The following DTNA variants were observed in gnomAD, a reference collection of about 807,000 sequenced individuals.
DTNA encodes dystrophin-related protein 3.
Under a neutral mutation model 100.7 loss-of-function variants are expected in DTNA, and 43 were observed. The ratio of observed to expected loss-of-function variants is 0.43; its 90% CI spans 0.33 to 0.55. The LOEUF (loss-of-function observed/expected upper bound fraction) is 0.55, where lower values mean the gene tolerates loss of function less well. DTNA is among the 20% of genes least tolerant of loss of function. The pLI is 0.04. For missense variants in DTNA, 798 were observed against 953.9 expected, an observed-to-expected ratio of 0.84 and a Z score of 2.15; for synonymous variants, 349 against 347.9, an observed-to-expected ratio of 1.00 and a Z score of -0.04.
At chr18:34,510,844 A>C (rs2041007897) in intron 1 of DTNA, among the ~76,000 whole-genome samples, 1 of 151,942 alleles carries the variant, frequency 6.6e-6, no homozygotes, top group Non-Finnish European at 1.5e-5. Flanking sequence ...AACTTTTAAA[A>C]AATCAGAATG....
At chr18:34,815,040 CTTGAGACCAGGAG>C (rs2095565229) in intron 6 of DTNA, among the ~76,000 whole-genome samples, 1 of 152,000 alleles carries the variant, frequency 6.6e-6, no homozygotes, top group South Asian at 2.1e-4. Flanking sequence ...AGGAAGACAG[CTTGAGACCAGGAG>C]TTAGAGTCCA....
chr18:34,792,009 C>T (rs893883910), intron 3 of DTNA, among the ~76,000 whole-genome samples: 25 of 152,124 alleles, frequency 1.6e-4, no homozygotes, highest in Middle Eastern at 3.4e-3. Context: ...CCCTTCATAA[C>T]ATAAAACATT....
chr18:34,586,867 G>T (rs1213573967), intron 1 of DTNA, among the ~76,000 whole-genome samples: 1 of 152,118 alleles, frequency 6.6e-6, no homozygotes, highest in Non-Finnish European at 1.5e-5. Flanking sequence ...CTGAGTGATG[G>T]ACATATTTAT....
At chr18:34,844,647 G>A (rs747811615) in intron 13 of DTNA, among the ~76,000 whole-genome samples, 11 of 152,020 alleles carry the variant, frequency 7.2e-5, no homozygotes, top group Non-Finnish European at 1.6e-4. Flanking sequence ...AGCCAGAGTA[G>A]TAGAAAAAAT....
At position 34,660,588 on chromosome 18, in the gene DTNA, T is replaced by C. The variant is rs145599051; in HGVS notation, c.-1-95388T>C. On this transcript the variant is annotated intron_variant, in intron 1 of 19. Transcript: ENST00000283365. ...TTTCCTGATCCAGGAGAGAATCGAC[T>C]AAGAGTCTGGCACCTTTTTAAGTCT... Among the ~76,000 whole-genome samples the C allele has an allele frequency of 4.6e-3, 697 of 152,236 alleles. 6 individuals carry two copies. The highest frequency in any genetic ancestry group is 0.016 in the African/African-American group (648 of 41,528).
chr18:34,866,663 C>G, intron 17 of DTNA: 1 of 1,004,254 alleles, frequency 1.0e-6, no homozygotes, highest in Non-Finnish European at 1.2e-6. Context: ...AATTATTGAG[C>G]CTTGTTCCCC....
At position 34,598,111 on chromosome 18, in the gene DTNA, A is replaced by G. The variant is rs2051015885; in HGVS notation, c.-2+104597A>G. Among the ~76,000 whole-genome samples, 2 of 152,180 alleles carry G rather than the reference A, an allele frequency of 1.3e-5. 1 individual carries two copies. The highest frequency in any genetic ancestry group is 1.3e-4 in the Admixed American group (2 of 15,284). Reference sequence around the variant, plus strand: ...TTTGACCTTAGACTCTTTGTCTAGAATAATGATCATTAGTAATCCTGTATG... The same window carrying G: ...TTTGACCTTAGACTCTTTGTCTAGAGTAATGATCATTAGTAATCCTGTATG... On this transcript the variant is annotated intron_variant, in intron 1 of 19. Coordinates refer to the DTNA transcript ENST00000283365.
Position 34,889,200 on chromosome 18 carries a change from C to T in DTNA, c.*1466C>T, listed in dbSNP as rs1317010070. On this transcript the variant is annotated 3_prime_UTR_variant, in exon 23 of 23. Coordinates refer to ENST00000444659, the MANE Select transcript of DTNA (RefSeq NM_001386795.1). ...TTAGCAGTTTCTCTGGAATTCCTGT[C>T]TCTCCTTTAAAAGAAAGGAGAGAAC... 1 of 985,324 alleles carries T rather than the reference C, an allele frequency of 1.0e-6. No homozygotes were observed. The highest frequency in any genetic ancestry group is 1.2e-6 in the Non-Finnish European group (1 of 829,946). The allele number at this position is 985,324 out of a possible 1,614,324, so 61.0% of individuals were successfully genotyped here.
At chr18:34,503,077 T>C (rs1212319991) in intron 1 of DTNA, among the ~76,000 whole-genome samples, 1 of 152,186 alleles carries the variant, frequency 6.6e-6, no homozygotes, top group African/African-American at 2.4e-5. Flanking sequence ...TCTTCTGTTA[T>C]ATTGACTTTA....
chr18:34,601,162 C>T (rs1011119257), intron 1 of DTNA, among the ~76,000 whole-genome samples: 1 of 152,212 alleles, frequency 6.6e-6, no homozygotes, highest in South Asian at 2.1e-4. Flanking sequence ...AGAGGTACTG[C>T]TCCTTGCAGA....
chr18:34,503,253 C>T (rs2040121942), intron 1 of DTNA, among the ~76,000 whole-genome samples: 1 of 144,280 alleles, frequency 6.9e-6, no homozygotes, highest in Non-Finnish European at 1.5e-5. Flanking sequence ...TATTTGAGTT[C>T]CTTGTAGATA....
intron 16 of DTNA, among the ~76,000 whole-genome samples, chr18:34,862,219 A>G (rs2096638635): frequency 6.6e-6 from 1 of 151,846 alleles, no homozygotes; most frequent in South Asian, 2.1e-4. Context: ...TGAAATTAGA[A>G]TGCTTCAACC....
At chr18:34,691,258 AAACT>A (rs1365700790) in intron 1 of DTNA, among the ~76,000 whole-genome samples, 1 of 152,192 alleles carries the variant, frequency 6.6e-6, no homozygotes, top group Non-Finnish European at 1.5e-5. Flanking sequence ...ATGACCGACT[AAACT>A]AACTTTCTAA....
chr18:34,669,887 A>G (rs1406439883), intron 1 of DTNA, among the ~76,000 whole-genome samples: 1 of 152,154 alleles, frequency 6.6e-6, no homozygotes, highest in Non-Finnish European at 1.5e-5. Context: ...ACTTTGGTGA[A>G]TCTGACAATT....
intron 4 of DTNA, among the ~76,000 whole-genome samples, chr18:34,800,034 T>G (rs2095146965): frequency 6.6e-6 from 1 of 152,154 alleles, no homozygotes; most frequent in South Asian, 2.1e-4. Flanking sequence ...CAAACCAGAG[T>G]TAATTATGCC....
At chr18:34,714,708 A>G (rs2083619984) in intron 1 of DTNA, among the ~76,000 whole-genome samples, 1 of 152,020 alleles carries the variant, frequency 6.6e-6, no homozygotes, top group South Asian at 2.1e-4. Context: ...TAGAAATACC[A>G]TTTGACCCAG....
rs571812505 is a variant in DTNA, at chr18:34,869,589, C to G, written c.1743+5527C>G. Among the ~76,000 whole-genome samples, 295 of 152,264 alleles carry G rather than the reference C, an allele frequency of 1.9e-3. 1 individual carries two copies. The highest frequency in any genetic ancestry group is 6.5e-3 in the African/African-American group (272 of 41,540). On this transcript the variant is annotated intron_variant, in intron 17 of 22. Coordinates refer to ENST00000444659, the MANE Select transcript of DTNA (RefSeq NM_001386795.1). ...TAATTTGAGTAGGTATATTAAACAG[C>G]TAATACAGTGAAGGGCTGCCAGTAA...
At chr18:34,530,914 C>A (rs552363090) in intron 1 of DTNA, among the ~76,000 whole-genome samples, 1 of 152,270 alleles carries the variant, frequency 6.6e-6, no homozygotes, top group South Asian at 2.1e-4. Flanking sequence ...AATACATCAG[C>A]AGCCTCTCTT....
At chr18:34,881,437 C>CTTTTTTTTTTTTTTTTTT (rs752828928) in intron 20 of DTNA, among the ~76,000 whole-genome samples, 8 of 51,400 alleles carry the variant, frequency 1.6e-4, no homozygotes, top group South Asian at 7.8e-4. Context: ...AATTAAAATG[C>CTTTTTTTTTTTTTTTTTT]TTTTTTTTTT....
Sources: gnomAD v4.1 joint callset for allele counts (sites outside exome capture counted in the v4.1 genomes callset) on GRCh38, gnomAD v4.1.1 for gene constraint, MANE v1.5 for transcripts, NCBI Gene and HGNC (gene_info 2026-07-23, HGNC 2026-07-21) for gene names.